PAXBP1: variants seen among roughly 807,000 people sequenced by gnomAD.
PAXBP1 encodes PAX3 and PAX7 binding protein 1, also known as PAX3- and PAX7-binding protein 1.
In PAXBP1, 44 loss-of-function variants were observed where a neutral mutation model predicts 119.9. That is an observed-to-expected ratio of 0.37 (90% confidence interval 0.29 to 0.47). The LOEUF is 0.47. Ranked by LOEUF, PAXBP1 falls within the 20% of genes least tolerant of loss-of-function variation. The probability of loss-of-function intolerance (pLI) is 0.99; values close to 1 mark genes in which losing one functional copy is unlikely to be tolerated. For missense variants in PAXBP1, 898 were observed against 1,134.1 expected (o/e 0.79, Z 2.99); for synonymous variants, 393 against 406.6 (o/e 0.97, Z 0.40).
At chr21:32,757,433 G>A (rs967289807) in intron 7 of PAXBP1, among the ~76,000 whole-genome samples, 2 of 152,078 alleles carry the variant, frequency 1.3e-5, no homozygotes, top group African/African-American at 4.8e-5. Flanking sequence ...TTAAAACGTA[G>A]TCACTGTATA....
At chr21:32,751,276 GTT>G (rs1267177517) in intron 8 of PAXBP1, 58 bp from the exon 9 acceptor site, 1 of 1,514,066 alleles carries the variant, frequency 6.6e-7, no homozygotes. Flanking sequence ...TGAGGAAAGA[GTT>G]TGCACAGAAT....
intron 2 of PAXBP1, among the ~76,000 whole-genome samples, chr21:32,765,112 G>A (rs763901308): frequency 2.0e-5 from 3 of 152,138 alleles, no homozygotes; most frequent in Non-Finnish European, 4.4e-5. Flanking sequence ...CCACTACCAC[G>A]ACTCAATGTT....
chr21:32,754,895 G>T (rs1006821457), intron 8 of PAXBP1, among the ~76,000 whole-genome samples: 2 of 151,912 alleles, frequency 1.3e-5, no homozygotes, highest in African/African-American at 4.8e-5. Context: ...GAAAATGGGG[G>T]AAAAAACCAA....
At chr21:32,766,396 G>C (rs2044241846) in intron 2 of PAXBP1, among the ~76,000 whole-genome samples, 1 of 151,978 alleles carries the variant, frequency 6.6e-6, no homozygotes. Context: ...CTTTTTCAAG[G>C]CTCCACTCAT....
At chr21:32,764,555 A>C (rs746125018) in intron 2 of PAXBP1, 31 bp from the exon 3 acceptor site, 44 of 1,475,620 alleles carry the variant, frequency 3.0e-5, no homozygotes, top group Non-Finnish European at 6.4e-6. Context: ...AATATATGTA[A>C]AATAAAATTC....
intron 15 of PAXBP1, among the ~76,000 whole-genome samples, chr21:32,741,201 A>G (rs1270664420): frequency 1.3e-5 from 2 of 152,198 alleles, no homozygotes; most frequent in Admixed American, 1.3e-4. Flanking sequence ...TGAAACTTAC[A>G]TATTCAGAAC....
chr21:32,763,100 G>C (rs1389523147), intron 3 of PAXBP1, among the ~76,000 whole-genome samples: 1 of 151,918 alleles, frequency 6.6e-6, no homozygotes, highest in Non-Finnish European at 1.5e-5. Context: ...ATCATAATAA[G>C]TTTTATTCCA....
intron 10 of PAXBP1, 78 bp downstream of exon 10, chr21:32,750,839 A>G: frequency 1.9e-6 from 2 of 1,071,722 alleles, no homozygotes; most frequent in Non-Finnish European, 2.7e-6. Flanking sequence ...ATGAAGATTC[A>G]AATCATTTCA....
intron 8 of PAXBP1, among the ~76,000 whole-genome samples, chr21:32,754,895 GA>G (rs1808790907): frequency 6.6e-6 from 1 of 151,912 alleles, no homozygotes; most frequent in Non-Finnish European, 1.5e-5. Context: ...GAAAATGGGG[GA>G]AAAAACCAAT....
Position 32,734,929 on chromosome 21 carries a change from A to T in PAXBP1, c.*21T>A. ...CATTGGGAATGGTAATCAAGCAAAT[A>T]GGTTTTTCAGTCTCATAGATCTATT... On this transcript the variant is annotated 3_prime_UTR_variant, in exon 18 of 18. Coordinates refer to ENST00000331923, the MANE Select transcript of PAXBP1 (RefSeq NM_016631.4). 1 of 1,561,642 alleles carries T rather than the reference A, an allele frequency of 6.4e-7. No individual in the cohort carries two copies. The highest frequency in any genetic ancestry group is 8.8e-7 in the Non-Finnish European group (1 of 1,132,898).
intron 4 of PAXBP1, 27 bp from the exon 5 acceptor site, chr21:32,761,189 T>C: frequency 6.4e-7 from 1 of 1,561,994 alleles, no homozygotes; most frequent in Non-Finnish European, 8.8e-7. Flanking sequence ...CAAAGAAAAG[T>C]AAGTAACACC....
chr21:32,761,713 G>A (rs949602269), intron 4 of PAXBP1, among the ~76,000 whole-genome samples: 9 of 150,994 alleles, frequency 6.0e-5, no homozygotes, highest in Non-Finnish European at 1.2e-4. Context: ...TTGGGAGGCT[G>A]AGGCATGGTG....
At position 32,737,301 on chromosome 21, in the gene PAXBP1, A is replaced by C; in HGVS notation, c.2589T>G (p.Ile863Met). 6.3e-7 allele frequency: 1 copy of C among 1,592,162 alleles called. No individual in the cohort carries two copies. The highest frequency in any genetic ancestry group is 8.6e-7 in the Non-Finnish European group (1 of 1,168,990). Residue 863 changes from isoleucine to methionine, a missense_variant, in exon 17 of 18, where the codon ATT (isoleucine) becomes ATG (methionine). Around this residue, in one of 2 missense-constraint regions of PAXBP1, gnomAD observed 599 missense variants for 852.7 expected, o/e 0.70. Coordinates refer to ENST00000331923, the MANE Select transcript of PAXBP1 (RefSeq NM_016631.4). Reference sequence around the variant, plus strand: ...CAGAACACCCGATACTATTTCTATAAATTGTATCCGCTAAGTGTACAAGGT... The same window carrying C: ...CAGAACACCCGATACTATTTCTATACATTGTATCCGCTAAGTGTACAAGGT... ...CRYLVHLADTIYRNSIGCSDV... is the reference protein window; with the variant it reads ...CRYLVHLADTMYRNSIGCSDV...
At position 32,741,643 on chromosome 21, in the gene PAXBP1, T is replaced by C. The variant is rs766414520; in HGVS notation, c.2334+1605A>G. 57 of 700,126 alleles carry C rather than the reference T, an allele frequency of 8.1e-5. 1 individual carries two copies. Among genetic ancestry groups the C allele is most frequent in the Non-Finnish European group, 1.3e-4 (50 of 386,070 alleles). 43.4% of individuals were successfully genotyped at this position (700,126 alleles called of 1,614,324 possible). A position where few individuals can be genotyped will look rare whatever the true frequency, so the allele number is the denominator to read the frequency against. Reference sequence around the variant, plus strand: ...ATGACCTATAATCAAACAAGGTAGGTCAGATGTTTTATGGCCAGTTTTTAC... The same window carrying C: ...ATGACCTATAATCAAACAAGGTAGGCCAGATGTTTTATGGCCAGTTTTTAC... On this transcript the variant is annotated intron_variant, in intron 15 of 17. Coordinates refer to ENST00000331923, the MANE Select transcript of PAXBP1 (RefSeq NM_016631.4).
intron 16 of PAXBP1, 129 bp downstream of exon 16, chr21:32,738,044 G>T: frequency 1.1e-6 from 1 of 945,864 alleles, no homozygotes. Context: ...TAGGCAAACT[G>T]TCAACCTTAC....
intron 2 of PAXBP1, among the ~76,000 whole-genome samples, chr21:32,766,797 G>A (rs2044249026): frequency 6.6e-6 from 1 of 152,154 alleles, no homozygotes; most frequent in African/African-American, 2.4e-5. Flanking sequence ...CTGGCTGGTG[G>A]GCCACTCCCA....
chr21:32,757,087 A>C (rs1280975397), intron 7 of PAXBP1, among the ~76,000 whole-genome samples: 1 of 152,190 alleles, frequency 6.6e-6, no homozygotes, highest in Non-Finnish European at 1.5e-5. Flanking sequence ...AAACAATGGC[A>C]AGTTAAAATG....
At chr21:32,749,748 A>G (rs957001898) in intron 10 of PAXBP1, among the ~76,000 whole-genome samples, 6 of 152,206 alleles carry the variant, frequency 3.9e-5, no homozygotes, top group Admixed American at 6.5e-5. Flanking sequence ...TTTACAAGAA[A>G]TGGATCAAAG....
intron 4 of PAXBP1, among the ~76,000 whole-genome samples, 180 bp from the exon 5 acceptor site, chr21:32,761,342 C>T (rs79359002): frequency 0.011 from 1,602 of 152,278 alleles, 41 homozygotes; most frequent in African/African-American, 0.037. Flanking sequence ...ACACAGTATT[C>T]CTTGAAGCTA....
Sources: gnomAD v4.1 joint callset for allele counts (sites outside exome capture counted in the v4.1 genomes callset) on GRCh38, gnomAD v4.1.1 for gene constraint, gnomAD v4.1.1 regional missense constraint, MANE v1.5 for transcripts, NCBI Gene and HGNC (gene_info 2026-07-23, HGNC 2026-07-21) for gene names.